The following HEG1 variants were observed in gnomAD, a reference collection of about 807,000 sequenced individuals.
HEG1 encodes the protein heart development protein with EGF like domains 1.
HEG1 carries 56 observed loss-of-function variants against 125.6 expected under a neutral mutation model. That is an observed-to-expected ratio of 0.45 (90% CI 0.36 to 0.56). The LOEUF (loss-of-function observed/expected upper bound fraction) is 0.56. Ranked by LOEUF, HEG1 falls within the 20% of genes least tolerant of loss-of-function variation. The probability of loss-of-function intolerance (pLI) is 0.00; values close to 1 mark genes in which losing one functional copy is unlikely to be tolerated. For missense variants in HEG1, 1,523 were observed against 1,670.0 expected, an observed-to-expected ratio of 0.91 and a Z score of 1.53; for synonymous variants, 644 against 668.5, an observed-to-expected ratio of 0.96 and a Z score of 0.57.
chr3:124,980,969 C>T (rs1936639226), intron 14 of HEG1, among the ~76,000 whole-genome samples: 1 of 151,952 alleles, frequency 6.6e-6, no homozygotes, highest in African/African-American at 2.4e-5. Context: ...ATCCTTCTGC[C>T]TCAGCCTGCC....
At position 125,010,533 on chromosome 3, in the gene HEG1, A is replaced by G. The variant is rs369346907; in HGVS notation, c.2979T>C (p.Pro993=). The change falls in exon 7 of 17, where the codon CCT becomes CCC. Residue 993 remains proline, a synonymous_variant. Coordinates refer to ENST00000311127, the MANE Select transcript of HEG1 (RefSeq NM_020733.2). ...SASVNSCAVN[P]CLHNGECVAD... is the part of the protein sequence containing the mutation. ...CGACGCATTCGCCATTGTGAAGACA[A>G]GGGTTCACAGCACAGCTGTTGACTA... 2.4e-5 allele frequency: 38 copies of G among 1,557,490 alleles called. No individual in the cohort carries two copies. The East Asian group carries it at 2.9e-4, about 12-fold the overall frequency.
intron 8 of HEG1, 41 bp downstream of exon 8, chr3:125,009,664 T>G: frequency 6.4e-7 from 1 of 1,560,882 alleles, no homozygotes; most frequent in Non-Finnish European, 8.7e-7. Flanking sequence ...TAAAATATAT[T>G]GTGGTACGGA....
intron 1 of HEG1, among the ~76,000 whole-genome samples, chr3:125,043,530 C>T (rs1008453343): frequency 6.6e-6 from 1 of 152,062 alleles, no homozygotes; most frequent in Non-Finnish European, 1.5e-5. Flanking sequence ...GAAAGGGGGT[C>T]TACCTTGTTT....
chr3:124,977,534 G>T (rs1013101303), intron 15 of HEG1, among the ~76,000 whole-genome samples: 14 of 152,154 alleles, frequency 9.2e-5, no homozygotes, highest in African/African-American at 3.4e-4. Context: ...AGTATGGGTT[G>T]TCTTTTCACT....
chr3:125,034,828 T>C (rs1414804151), intron 1 of HEG1, among the ~76,000 whole-genome samples: 6 of 151,206 alleles, frequency 4.0e-5, no homozygotes, highest in African/African-American at 1.5e-4. Context: ...AGAAAATAAA[T>C]GATAACAGAA....
chr3:125,013,936 G>C lies in HEG1; in HGVS notation c.1643C>G (p.Ser548Cys). The change falls in exon 6 of 17, where the codon TCC becomes TGC. Residue 548 changes from serine to cysteine, a missense_variant. By Grantham distance (112) the Ser-to-Cys change is moderately radical. Transcript: ENST00000311127. ...VRGTAIEQRT[S>C]SDHTDHTYLS... ...GTAGGTGTGGTCTGTGTGGTCGCTG[G>C]AAGTCCTTTGTTCAATAGCTGTGCC... 6.2e-7 allele frequency: 1 copy of C among 1,613,430 alleles called. No individual in the cohort carries two copies. Among genetic ancestry groups the C allele is most frequent in the Non-Finnish European group, 8.5e-7 (1 of 1,179,754 alleles).
intron 1 of HEG1, among the ~76,000 whole-genome samples, chr3:125,046,567 G>A (rs907694154): frequency 6.6e-6 from 1 of 151,990 alleles, no homozygotes; most frequent in African/African-American, 2.4e-5. Context: ...CACTGTGCCC[G>A]ACCCAACTGG....
chr3:125,014,825 G>T (rs1261373246), intron 5 of HEG1: 1 of 1,289,880 alleles, frequency 7.8e-7, no homozygotes, highest in Admixed American at 2.3e-5. Context: ...CTGCAGGGCT[G>T]CCTGCTTCCC....
At chr3:124,999,291 T>C (rs1358385227) in intron 11 of HEG1, among the ~76,000 whole-genome samples, 1 of 152,218 alleles carries the variant, frequency 6.6e-6, no homozygotes, top group Non-Finnish European at 1.5e-5. Context: ...AAAGTTTGTA[T>C]TTAAGGGAGA....
At chr3:125,052,225 G>GGAGTGAGGTAGCCGCCTT (rs1937828961) in intron 1 of HEG1, among the ~76,000 whole-genome samples, 1 of 145,296 alleles carries the variant, frequency 6.9e-6, no homozygotes, top group Non-Finnish European at 1.5e-5. Flanking sequence ...GCCTCCGCCA[G>GGAGTGAGGTAGCCGCCTT]GAGTGAGGTA....
chr3:125,017,609 T>C (rs182537145), intron 5 of HEG1, among the ~76,000 whole-genome samples: 66 of 152,280 alleles, frequency 4.3e-4, no homozygotes, highest in African/African-American at 1.6e-3. Context: ...TCAGAACACT[T>C]GTACACAGCT....
At chr3:124,991,015 G>T (rs1338878417) in intron 12 of HEG1, 29 bp from the exon 13 acceptor site, 2 of 1,538,442 alleles carry the variant, frequency 1.3e-6, no homozygotes, top group South Asian at 2.4e-5. Context: ...ATGCATGAGT[G>T]TGTCTATTTA....
chr3:124,997,430 G>A (rs1438973482), intron 12 of HEG1, among the ~76,000 whole-genome samples: 1 of 152,118 alleles, frequency 6.6e-6, no homozygotes, highest in African/African-American at 2.4e-5. Context: ...AAAAGAAAAG[G>A]CACTGCTACC....
At chr3:125,041,783 T>A (rs1169070564) in intron 1 of HEG1, among the ~76,000 whole-genome samples, 1 of 152,222 alleles carries the variant, frequency 6.6e-6, no homozygotes, top group Non-Finnish European at 1.5e-5. Context: ...TGAGGGAAAT[T>A]CTAACACATG....
chr3:125,013,389 T>G lies in HEG1; in HGVS notation c.2190A>C (p.Pro730=). The part of the protein sequence containing the change: ...PVSLTTSTSA[P]LSVSQTTLPQ... ...GCAAGGTTGTTTGTGAGACAGAAAG[T>G]GGGGCAGATGTAGATGTCGTTAAGG... is the stretch of plus-strand genomic sequence containing the variant. Residue 730 remains proline, a synonymous_variant, in exon 6 of 17, where the codon CCA becomes CCC. Coordinates refer to ENST00000311127, the MANE Select transcript of HEG1 (RefSeq NM_020733.2). 1 of 1,613,798 alleles carries G rather than the reference T, an allele frequency of 6.2e-7. No homozygotes were observed. The highest frequency in any genetic ancestry group is 8.5e-7 in the Non-Finnish European group (1 of 1,179,838).
intron 1 of HEG1, among the ~76,000 whole-genome samples, chr3:125,037,620 T>C (rs1303376917): frequency 6.6e-6 from 1 of 152,192 alleles, no homozygotes; most frequent in African/African-American, 2.4e-5. Context: ...AAATACACCC[T>C]TGGTTAGTGC....
At chr3:124,976,093 G>A (rs191729299) in intron 15 of HEG1, among the ~76,000 whole-genome samples, 27 of 152,266 alleles carry the variant, frequency 1.8e-4, no homozygotes, top group Admixed American at 4.6e-4. Context: ...TTTTCAAAGC[G>A]GCTGCACCAT....
At chr3:125,053,891 C>T (rs960339676) in intron 1 of HEG1, among the ~76,000 whole-genome samples, 1 of 152,176 alleles carries the variant, frequency 6.6e-6, no homozygotes, top group Non-Finnish European at 1.5e-5. Flanking sequence ...CTAGAGATCC[C>T]GCCCCTAAGA....
intron 14 of HEG1, among the ~76,000 whole-genome samples, chr3:124,980,809 G>A (rs1368537366): frequency 6.6e-6 from 1 of 151,938 alleles, no homozygotes; most frequent in Admixed American, 6.6e-5. Flanking sequence ...GTGAGCCACA[G>A]CGCCTGGCCT....
Sources: allele counts gnomAD v4.1 joint callset (sites outside exome capture counted in the v4.1 genomes callset), GRCh38; gene constraint gnomAD v4.1.1; transcripts MANE v1.5; gene names NCBI Gene and HGNC (gene_info 2026-07-23, HGNC 2026-07-21).